Variants in DCAF6 observed in about 807,000 individuals in gnomAD.
DCAF6 encodes the protein DDB1 and CUL4 associated factor 6.
A neutral mutation model predicts 125.1 loss-of-function variants in DCAF6; 54 were observed. That is an observed-to-expected ratio of 0.43 (90% confidence interval 0.35 to 0.54). The LOEUF (loss-of-function observed/expected upper bound fraction) is 0.54. Ranked by LOEUF, DCAF6 falls within the 20% of genes least tolerant of loss-of-function variation. DCAF6 has a pLI of 0.01. For missense variants in DCAF6, 934 were observed against 1,161.7 expected, an observed-to-expected ratio of 0.80 and a Z score of 2.85; for synonymous variants, 371 against 390.4, an observed-to-expected ratio of 0.95 and a Z score of 0.58.
At chr1:167,864,757 C>CT in the DCAF6 span, among the ~76,000 whole-genome samples, 1 of 152,268 alleles carries the variant, frequency 6.6e-6, no homozygotes, top group African/African-American at 2.4e-5. Flanking sequence ...CTGTAACACT[C>CT]TAATACCACT....
the DCAF6 span, among the ~76,000 whole-genome samples, chr1:167,891,368 A>T: frequency 6.6e-6 from 1 of 150,628 alleles, no homozygotes; most frequent in Non-Finnish European, 1.5e-5. Context: ...AATAAAGGAG[A>T]GTGTTGGGTC....
At chr1:167,902,566 T>G in the DCAF6 span, among the ~76,000 whole-genome samples, 24 of 152,234 alleles carry the variant, frequency 1.6e-4, no homozygotes, top group Non-Finnish European at 2.6e-4. Context: ...TTCTCTCTTT[T>G]AGTTACGCAT....
At chr1:167,878,237 T>G in the DCAF6 span, among the ~76,000 whole-genome samples, 1 of 152,134 alleles carries the variant, frequency 6.6e-6, no homozygotes, top group Non-Finnish European at 1.5e-5. Flanking sequence ...TTCTCAGATC[T>G]GAGGAGAGAA....
At chr1:167,894,600 A>T in the DCAF6 span, among the ~76,000 whole-genome samples, 5 of 151,764 alleles carry the variant, frequency 3.3e-5, no homozygotes, top group Admixed American at 2.6e-4. Context: ...CAGGGAAGAA[A>T]ATGATAATGT....
chr1:168,001,750 A>G (rs1571886067), intron 7 of DCAF6, among the ~76,000 whole-genome samples: 1 of 152,176 alleles, frequency 6.6e-6, no homozygotes, highest in Non-Finnish European at 1.5e-5. Flanking sequence ...CAAGCAAGAT[A>G]CTCAAGGAGT....
At chr1:167,939,243 G>GT (rs1207371560) in intron 1 of DCAF6, among the ~76,000 whole-genome samples, 2 of 151,686 alleles carry the variant, frequency 1.3e-5, no homozygotes, top group East Asian at 1.9e-4. Context: ...ATTAGTGATG[G>GT]TTTTTTTTAA....
At chr1:168,075,264 T>C in intron 21 of DCAF6, 107 bp from the exon 22 acceptor site, 1 of 991,690 alleles carries the variant, frequency 1.0e-6, no homozygotes, top group Non-Finnish European at 1.5e-6. Context: ...CCACACATAG[T>C]GGTGAACTGA....
intron 12 of DCAF6, among the ~76,000 whole-genome samples, chr1:168,034,490 T>A (rs1479330286): frequency 6.6e-6 from 1 of 152,108 alleles, no homozygotes; most frequent in Non-Finnish European, 1.5e-5. Flanking sequence ...CCGTGGGTGA[T>A]AGAGCAAGAC....
At chr1:168,071,880 C>T (rs1693084150) in intron 21 of DCAF6, among the ~76,000 whole-genome samples, 1 of 152,182 alleles carries the variant, frequency 6.6e-6, no homozygotes, top group South Asian at 2.1e-4. Context: ...CCATACTGGC[C>T]TCTCTTCCTC....
chr1:167,905,599 T>TAA, the DCAF6 span, among the ~76,000 whole-genome samples: 1,861 of 145,858 alleles, frequency 0.013, 15 homozygotes, highest in South Asian at 0.031. Flanking sequence ...TTTCTCTCTT[T>TAA]AAAAAAAAAA....
rs751118325 is a variant in DCAF6, at chr1:167,974,846, G to T, written c.269G>T (p.Arg90Leu). The change falls in exon 4 of 22, where the codon CGT becomes CTT. Residue 90 changes from arginine to leucine, a missense_variant. Physicochemically the swap from Arg to Leu is moderately radical, Grantham distance 102. Around this residue, in one of 5 missense-constraint regions of DCAF6, gnomAD observed 309 missense variants for 381.2 expected, o/e 0.81. Coordinates refer to ENST00000367840, the MANE Select transcript of DCAF6 (RefSeq NM_001198956.2). Reference sequence around the variant, plus strand: ...GTGTTTTAGGTTTTGACAACAATTCGTTCAGGGCACCGAGCAAACATATTT... The same window carrying T: ...GTGTTTTAGGTTTTGACAACAATTCTTTCAGGGCACCGAGCAAACATATTT... ...PYSRKVLTTIRSGHRANIFSA... is the reference protein window; with the variant it reads ...PYSRKVLTTILSGHRANIFSA... The T allele has an allele frequency of 3.0e-5, 46 of 1,537,860 alleles. No individual in the cohort carries two copies. The highest frequency in any genetic ancestry group is 4.0e-5 in the South Asian group (3 of 74,652).
chr1:167,956,123 T>C (rs1557888674), intron 2 of DCAF6, among the ~76,000 whole-genome samples: 1 of 152,140 alleles, frequency 6.6e-6, no homozygotes, highest in Non-Finnish European at 1.5e-5. Context: ...TGGATGCTTG[T>C]TGTCAGGTTG....
intron 17 of DCAF6, among the ~76,000 whole-genome samples, chr1:168,056,925 A>G (rs1270756393): frequency 6.6e-6 from 1 of 152,226 alleles, no homozygotes; most frequent in Non-Finnish European, 1.5e-5. Context: ...TTTGCACAGT[A>G]AAGAATTTCT....
In DCAF6 at chr1:168,042,376, A is replaced by G. The variant is rs146290530; in HGVS notation, c.1728-649A>G. On this transcript the variant is annotated intron_variant, in intron 13 of 21. Transcript: ENST00000367840. ...ATGATTTGTCACAGAATACTTATTG[A>G]AAATTATTTCTTTAAAAATTGGCCT... Among the ~76,000 whole-genome samples the G allele has an allele frequency of 3.8e-3, 575 of 152,194 alleles. 2 individuals are homozygous for G. Among genetic ancestry groups the G allele is most frequent in the Non-Finnish European group, 5.7e-3 (390 of 67,974 alleles).
chr1:167,941,888 C>T (rs114208770), intron 1 of DCAF6, among the ~76,000 whole-genome samples: 274 of 152,224 alleles, frequency 1.8e-3, no homozygotes, highest in African/African-American at 6.4e-3. Context: ...GTATGTTTAA[C>T]TTTATAAAAA....
the DCAF6 span, chr1:167,896,599 G>C: frequency 6.2e-7 from 1 of 1,609,824 alleles, no homozygotes; most frequent in East Asian, 2.2e-5. Context: ...ACTTACTTTT[G>C]TGCTCACCAG....
At chr1:167,952,775 T>A (rs1010445759) in intron 2 of DCAF6, among the ~76,000 whole-genome samples, 7 of 152,310 alleles carry the variant, frequency 4.6e-5, no homozygotes, top group Admixed American at 3.3e-4. Flanking sequence ...AGAGTTTTTA[T>A]ATCCAACTTT....
At chr1:167,996,374 A>G (rs183365996) in intron 7 of DCAF6, among the ~76,000 whole-genome samples, 3 of 152,088 alleles carry the variant, frequency 2.0e-5, no homozygotes, top group Non-Finnish European at 4.4e-5. Context: ...TCTGGTCCCC[A>G]TAGCTTGTGC....
At chr1:168,050,863 G>A in intron 16 of DCAF6, 29 bp from the exon 17 acceptor site, 1 of 1,269,048 alleles carries the variant, frequency 7.9e-7, no homozygotes, top group Non-Finnish European at 1.0e-6. Context: ...CTTTGTAAGT[G>A]ATTTCAGTTA....
Sources: gnomAD v4.1 joint callset for allele counts (sites outside exome capture counted in the v4.1 genomes callset) on GRCh38, gnomAD v4.1.1 for gene constraint, gnomAD v4.1.1 regional missense constraint, MANE v1.5 for transcripts, NCBI Gene and HGNC (gene_info 2026-07-23, HGNC 2026-07-21) for gene names.